Variants in KCTD1 observed in about 807,000 individuals in gnomAD.
KCTD1 encodes potassium channel tetramerization domain containing 1.
KCTD1 carries 24 observed loss-of-function variants against 66.0 expected under a neutral mutation model. That is an observed-to-expected ratio of 0.36 (90% CI 0.26 to 0.51). KCTD1 has a LOEUF of 0.51. Ranked by LOEUF, KCTD1 falls within the 20% of genes least tolerant of loss-of-function variation. The pLI, the probability that KCTD1 is intolerant of heterozygous loss-of-function variation, is 0.95. For missense variants in KCTD1, 943 were observed against 1,205.2 expected (o/e 0.78, Z 3.22); for synonymous variants, 511 against 517.2 (o/e 0.99, Z 0.16).
At chr18:26,642,384 A>G (rs1026387861), upstream of KCTD1, among the ~76,000 whole-genome samples, 1 of 152,202 alleles carries the variant, frequency 6.6e-6, no homozygotes, top group Non-Finnish European at 1.5e-5. Flanking sequence ...ATATTCCACT[A>G]AATAAGCAAT....
intron 1 of KCTD1, among the ~76,000 whole-genome samples, chr18:26,518,884 C>T (rs551682369): frequency 6.6e-6 from 1 of 152,298 alleles, no homozygotes; most frequent in East Asian, 1.9e-4. Flanking sequence ...TGATTCTGAA[C>T]TTACTGTGAA....
At chr18:26,530,811 C>A (rs1434701756) in intron 1 of KCTD1, among the ~76,000 whole-genome samples, 2 of 152,114 alleles carry the variant, frequency 1.3e-5, no homozygotes, top group African/African-American at 4.8e-5. Context: ...TCTTTATGTG[C>A]TATTGGAAGA....
At chr18:26,500,993 A>C in intron 2 of KCTD1, 79 bp downstream of exon 2, 1 of 1,490,990 alleles carries the variant, frequency 6.7e-7, no homozygotes, top group Non-Finnish European at 9.1e-7. Flanking sequence ...ACGAGGCTAC[A>C]CTGCTATGCT....
rs904805672 is a variant in KCTD1 at position 26,459,554 on chromosome 18, G to A, written c.2439+66C>T. The A allele has an allele frequency of 3.4e-6, 5 of 1,471,034 alleles. No individual in the cohort carries two copies. In the African/African-American group the frequency reaches 5.6e-5, roughly 17 times the overall value. 91.1% of individuals were successfully genotyped at this position (1,471,034 alleles called of 1,614,324 possible). On this transcript the variant is annotated intron_variant, in intron 4 of 4. Transcript: ENST00000580059. Reference sequence around the variant, plus strand: ...TCTTTGGAGGAAAGGCACCATGTGAGGGCAAGGTTAAGTGACAACAGTAAG... The same window carrying A: ...TCTTTGGAGGAAAGGCACCATGTGAAGGCAAGGTTAAGTGACAACAGTAAG...
chr18:26,591,852 T>C (rs1335331450), intron 1 of KCTD1, among the ~76,000 whole-genome samples: 4 of 152,236 alleles, frequency 2.6e-5, no homozygotes. Context: ...ATTTGGAGTT[T>C]ACCATCAGGA....
rs1281702954 is a variant in KCTD1, at chr18:26,505,615, G to GGC, written c.1810-4367_1810-4366dup. Among the ~76,000 whole-genome samples the GGC allele has an allele frequency of 3.3e-5, 5 of 151,976 alleles. No individual in the cohort carries two copies. In the East Asian group the frequency reaches 9.8e-4, roughly 30 times the overall value. On this transcript the variant is annotated intron_variant, in intron 1 of 4. Transcript: ENST00000580059. ...TCTGTTGCCCAGGCTGCAGTGCAGT[G>GGC]GCGCAATCATAGCTCACTACAGCCT... is the stretch of plus-strand genomic sequence containing the variant.
chr18:26,597,260 T>C (rs1031194946), intron 1 of KCTD1, among the ~76,000 whole-genome samples: 1 of 150,224 alleles, frequency 6.7e-6, no homozygotes, highest in Non-Finnish European at 1.5e-5. Context: ...CATAAAGGAG[T>C]GGCCTAGTGT....
chr18:26,534,735 T>C (rs1984606246), intron 1 of KCTD1, among the ~76,000 whole-genome samples: 1 of 152,198 alleles, frequency 6.6e-6, no homozygotes, highest in South Asian at 2.1e-4. Context: ...TTCAGGTCAA[T>C]GATTCATGTA....
chr18:26,656,256 C>G (rs1452782189), intron 1 of KCTD1, among the ~76,000 whole-genome samples: 1 of 152,000 alleles, frequency 6.6e-6, no homozygotes, highest in African/African-American at 2.4e-5. Flanking sequence ...CGGGAAGAGG[C>G]GAGCGCAGCA....
At chr18:26,542,593 G>C (rs1456850415) in intron 1 of KCTD1, among the ~76,000 whole-genome samples, 1 of 152,186 alleles carries the variant, frequency 6.6e-6, no homozygotes, top group Non-Finnish European at 1.5e-5. Context: ...CCACCTGGAT[G>C]ATCATCCAAG....
chr18:26,597,068 G>A (rs1986782840), intron 1 of KCTD1, among the ~76,000 whole-genome samples: 1 of 151,052 alleles, frequency 6.6e-6, no homozygotes, highest in Non-Finnish European at 1.5e-5. Flanking sequence ...TGGGTAAAGA[G>A]AATATATGTG....
chr18:26,500,231 C>T (rs1016609926), intron 2 of KCTD1, among the ~76,000 whole-genome samples: 6 of 151,550 alleles, frequency 4.0e-5, no homozygotes, highest in Admixed American at 6.6e-5. Flanking sequence ...GCCTAGGGAA[C>T]ACAGTCTGAC....
In KCTD1 at chr18:26,548,424, G is replaced by A. The variant is rs997702346; in HGVS notation, c.113C>T (p.Ala38Val). ...GCTGTGGCGGCGGCCGCGGCCCCCC[G>A]CGCCGCGCTCGCCCTCGCCCCGCTC... ...NGERGEGERG[A>V]GGRGRRHSRP... Residue 38 changes from alanine to valine, a missense_variant, in exon 1 of 5, where the codon GCG becomes GTG. By Grantham distance (64) the Ala-to-Val change is moderately conservative. Transcript: ENST00000580059. 1 of 1,422,500 alleles carries A rather than the reference G, an allele frequency of 7.0e-7. No homozygotes were observed. Among genetic ancestry groups the A allele is most frequent in the South Asian group, 1.5e-5 (1 of 68,110 alleles). The allele number at this position is 1,422,500 out of a possible 1,614,324, so 88.1% of individuals were successfully genotyped here. A position where few individuals can be genotyped will look rare whatever the true frequency, so the allele number is the denominator to read the frequency against.
At chr18:26,641,044 T>G (rs982515255), upstream of KCTD1, among the ~76,000 whole-genome samples, 1 of 152,214 alleles carries the variant, frequency 6.6e-6, no homozygotes, top group African/African-American at 2.4e-5. Context: ...TCTGCCAGAC[T>G]GATTTCTTAC....
chr18:26,528,017 T>C (rs1984255354), intron 1 of KCTD1, among the ~76,000 whole-genome samples: 2 of 152,124 alleles, frequency 1.3e-5, no homozygotes, highest in African/African-American at 2.4e-5. Flanking sequence ...ATTAAAGTAA[T>C]GCTAACAAGA....
At chr18:26,460,765 T>C (rs944630762) in intron 3 of KCTD1, 2 of 152,178 alleles carry the variant, frequency 1.3e-5, no homozygotes, top group Non-Finnish European at 2.9e-5. Context: ...ATCTGTTGAA[T>C]TGAAACAGAA....
At chr18:26,599,859 C>G in intron 1 of KCTD1, 1 of 1,551,554 alleles carries the variant, frequency 6.4e-7, no homozygotes, top group Non-Finnish European at 8.9e-7. Context: ...ATGAAAGTGA[C>G]AGCCTGCTGT....
chr18:26,577,671 G>A (rs1986256096), intron 1 of KCTD1, among the ~76,000 whole-genome samples: 1 of 152,018 alleles, frequency 6.6e-6, no homozygotes, highest in African/African-American at 2.4e-5. Flanking sequence ...TCAGCCTGCT[G>A]AATGGCTAGG....
At chr18:26,524,937 T>C (rs1287370627) in intron 1 of KCTD1, among the ~76,000 whole-genome samples, 4 of 152,200 alleles carry the variant, frequency 2.6e-5, no homozygotes, top group Non-Finnish European at 5.9e-5. Flanking sequence ...CAAAATGCCT[T>C]GATCTCACTG....
Sources: gnomAD v4.1 joint callset for allele counts (sites outside exome capture counted in the v4.1 genomes callset) on GRCh38, gnomAD v4.1.1 for gene constraint, MANE v1.5 for transcripts, NCBI Gene and HGNC (gene_info 2026-07-23, HGNC 2026-07-21) for gene names.